Variants in DOCK1 observed in about 807,000 individuals in gnomAD.
The protein encoded by DOCK1 is dedicator of cytokinesis 1, also known as dedicator of cytokinesis protein 1.
DOCK1 carries 138 observed loss-of-function variants against 262.7 expected under a neutral mutation model. The observed-to-expected ratio is 0.53, with a 90% confidence interval of 0.46 to 0.61. The LOEUF (loss-of-function observed/expected upper bound fraction) is 0.61, where lower values mean the gene tolerates loss of function less well. Ranked by LOEUF, DOCK1 falls within the 20% of genes least tolerant of loss-of-function variation. The pLI, the probability that DOCK1 is intolerant of heterozygous loss-of-function variation, is 0.00. For missense variants in DOCK1, 1,908 were observed against 2,370.7 expected (o/e 0.80, Z 4.05); for synonymous variants, 866 against 867.4 (o/e 1.00, Z 0.03).
chr10:127,369,232 G>C (rs2065082250), intron 33 of DOCK1, among the ~76,000 whole-genome samples: 1 of 152,218 alleles, frequency 6.6e-6, no homozygotes. Flanking sequence ...ATGTGAATGA[G>C]TTTGGTAGCA....
chr10:127,385,403 T>C (rs1471665271), intron 38 of DOCK1, among the ~76,000 whole-genome samples: 1 of 151,978 alleles, frequency 6.6e-6, no homozygotes, highest in Non-Finnish European at 1.5e-5. Context: ...ACTGTAGTTC[T>C]TCTGATTAAG....
At chr10:127,017,731 C>A (rs9418784) in intron 12 of DOCK1, among the ~76,000 whole-genome samples, 1 of 152,040 alleles carries the variant, frequency 6.6e-6, no homozygotes, top group Admixed American at 6.5e-5. Flanking sequence ...GGCAGCCCCC[C>A]CTGAGGCCTC....
At chr10:127,351,848 G>A (rs1184755301) in intron 31 of DOCK1, among the ~76,000 whole-genome samples, 3 of 152,000 alleles carry the variant, frequency 2.0e-5, no homozygotes, top group Non-Finnish European at 4.4e-5. Context: ...TTAAAACCAA[G>A]GAAAAGATCC....
At chr10:126,977,872 C>A in intron 2 of DOCK1, 76 bp from the exon 3 acceptor site, 1 of 1,436,444 alleles carries the variant, frequency 7.0e-7, no homozygotes, top group Non-Finnish European at 9.8e-7. Flanking sequence ...ACAGTGAGTT[C>A]TACACATCAT....
chr10:127,380,271 A>G lies in DOCK1; in HGVS notation c.3716+149A>G, dbSNP rs76506298. ...TAAGGTAGAGTTTGGTGGAGCTCCC[A>G]GATACATTCTCAGCTCTTGCATAGC... On this transcript the variant is annotated intron_variant, in intron 36 of 51. Transcript: ENST00000623213. 4.9e-4 allele frequency: 305 copies of G among 625,948 alleles called. 2 individuals are homozygous for G. In the African/African-American group the frequency reaches 5.4e-3, roughly 11 times the overall value. The allele number at this position is 625,948 out of a possible 1,614,324, so 38.8% of individuals were successfully genotyped here.
intron 27 of DOCK1, among the ~76,000 whole-genome samples, chr10:127,215,579 G>GT (rs1366428386): frequency 6.6e-6 from 1 of 152,104 alleles, no homozygotes; most frequent in African/African-American, 2.4e-5. Context: ...GCTCTGCCTT[G>GT]TTTTTTTAGA....
chr10:127,138,808 T>A (rs1201033254), intron 27 of DOCK1, among the ~76,000 whole-genome samples: 1 of 152,242 alleles, frequency 6.6e-6, no homozygotes, highest in Admixed American at 6.5e-5. Context: ...ATTTTTGAAC[T>A]ATGTTATTTC....
chr10:127,078,640 G>C (rs1484868315), intron 23 of DOCK1, among the ~76,000 whole-genome samples: 1 of 152,178 alleles, frequency 6.6e-6, no homozygotes, highest in Non-Finnish European at 1.5e-5. Context: ...AAAGATACTT[G>C]TACATGCATG....
At chr10:127,317,222 A>G (rs1443643083) in intron 29 of DOCK1, among the ~76,000 whole-genome samples, 1 of 152,210 alleles carries the variant, frequency 6.6e-6, no homozygotes, top group Non-Finnish European at 1.5e-5. Flanking sequence ...ATTCTTATTT[A>G]AAAATCCCAA....
At chr10:127,266,641 G>A (rs888242849) in intron 29 of DOCK1, among the ~76,000 whole-genome samples, 4 of 152,138 alleles carry the variant, frequency 2.6e-5, no homozygotes, top group Admixed American at 2.0e-4. Context: ...AGTGGAATGT[G>A]GCATTAACGC....
chr10:127,440,457 AAAG>A (rs925029014), intron 49 of DOCK1, among the ~76,000 whole-genome samples: 1 of 152,164 alleles, frequency 6.6e-6, no homozygotes, highest in Non-Finnish European at 1.5e-5. Flanking sequence ...AAACAAAAAT[AAAG>A]AAGGAGTTCT....
intron 27 of DOCK1, among the ~76,000 whole-genome samples, chr10:127,238,373 T>C (rs952767624): frequency 4.6e-5 from 7 of 152,146 alleles, no homozygotes; most frequent in African/African-American, 1.4e-4. Flanking sequence ...TCAGATTGAG[T>C]GAGTGTCTTC....
intron 40 of DOCK1, among the ~76,000 whole-genome samples, chr10:127,404,844 A>G (rs926545384): frequency 2.6e-5 from 4 of 151,486 alleles, no homozygotes; most frequent in South Asian, 4.2e-4. Flanking sequence ...TTAAACACGA[A>G]CTCCCCATTC....
chr10:127,017,997 A>G (rs985146239), intron 12 of DOCK1, among the ~76,000 whole-genome samples: 1 of 152,176 alleles, frequency 6.6e-6, no homozygotes, highest in African/African-American at 2.4e-5. Context: ...GCCCTTACAC[A>G]TAGACCCCAC....
At chr10:127,127,070 G>T (rs564076638) in intron 26 of DOCK1, among the ~76,000 whole-genome samples, 1 of 152,164 alleles carries the variant, frequency 6.6e-6, no homozygotes, top group Non-Finnish European at 1.5e-5. Context: ...GTAAGAGCTT[G>T]TATGGCCAAA....
intron 27 of DOCK1, among the ~76,000 whole-genome samples, chr10:127,225,112 G>T (rs950152679): frequency 6.6e-6 from 1 of 152,170 alleles, no homozygotes; most frequent in African/African-American, 2.4e-5. Context: ...AACTAGAGAG[G>T]TTTGGAGGTC....
At chr10:127,287,569 A>C (rs971701721) in intron 29 of DOCK1, among the ~76,000 whole-genome samples, 1 of 152,162 alleles carries the variant, frequency 6.6e-6, no homozygotes, top group Non-Finnish European at 1.5e-5. Context: ...GATTTTGCAG[A>C]TTGAATCCAC....
intron 27 of DOCK1, among the ~76,000 whole-genome samples, chr10:127,130,426 T>G (rs1161573609): frequency 6.6e-6 from 1 of 152,138 alleles, no homozygotes; most frequent in Non-Finnish European, 1.5e-5. Flanking sequence ...TCACTTGACT[T>G]GTAGCCCACT....
At chr10:126,920,715 A>G (rs565394451) in intron 1 of DOCK1, among the ~76,000 whole-genome samples, 31 of 152,354 alleles carry the variant, frequency 2.0e-4, no homozygotes, top group South Asian at 4.1e-4. Context: ...AATGGAGGAT[A>G]CTATGTTAAG....
Sources: allele counts gnomAD v4.1 joint callset (sites outside exome capture counted in the v4.1 genomes callset), GRCh38; gene constraint gnomAD v4.1.1; transcripts MANE v1.5; gene names NCBI Gene and HGNC (gene_info 2026-07-23, HGNC 2026-07-21).